The following NYAP2 variants were observed in gnomAD, a reference collection of about 807,000 sequenced individuals.
NYAP2 encodes neuronal tyrosine-phosphorylated phosphoinositide-3-kinase adaptor 2, also known as neuronal tyrosine-phosphorylated phosphoinositide-3-kinase adapter 2.
A neutral mutation model predicts 50.4 loss-of-function variants in NYAP2; 23 were observed. That is an observed-to-expected ratio of 0.46 (90% CI 0.33 to 0.65). NYAP2 has a LOEUF of 0.65. Among genes scored for constraint, NYAP2 ranks in the 30% least tolerant of loss-of-function variants. The pLI is 0.02. For synonymous variants in NYAP2, 394 were observed against 365.2 expected (o/e 1.08, Z -0.90); for missense variants, 885 against 861.0 (o/e 1.03, Z -0.35).
At chr2:225,678,560 C>T in the NYAP2 span, among the ~76,000 whole-genome samples, 3 of 152,186 alleles carry the variant, frequency 2.0e-5, no homozygotes, top group Admixed American at 2.0e-4. Context: ...AGATAAAGTT[C>T]TTTCAGTCCT....
chr2:225,679,975 A>G, the NYAP2 span, among the ~76,000 whole-genome samples: 1 of 152,210 alleles, frequency 6.6e-6, no homozygotes, highest in Non-Finnish European at 1.5e-5. Context: ...ATAGTCATAA[A>G]TATTTTGGTA....
intron 4 of NYAP2, among the ~76,000 whole-genome samples, chr2:225,563,395 G>A (rs1559215340): frequency 6.6e-6 from 1 of 152,118 alleles, no homozygotes; most frequent in Admixed American, 6.6e-5. Context: ...CCTGGTGTTG[G>A]GAAATCACTT....
At chr2:225,436,500 T>A (rs1403465184) in intron 3 of NYAP2, among the ~76,000 whole-genome samples, 2 of 152,130 alleles carry the variant, frequency 1.3e-5, no homozygotes, top group Non-Finnish European at 2.9e-5. Flanking sequence ...CCCTTTGTAA[T>A]AACGACACCA....
At chr2:225,695,844 C>T in the NYAP2 span, among the ~76,000 whole-genome samples, 2 of 151,816 alleles carry the variant, frequency 1.3e-5, no homozygotes, top group Non-Finnish European at 2.9e-5. Context: ...AGTGAATGCT[C>T]ATGTCTACAG....
intron 3 of NYAP2, among the ~76,000 whole-genome samples, chr2:225,421,588 G>C (rs189525225): frequency 2.0e-5 from 3 of 152,328 alleles, no homozygotes; most frequent in Admixed American, 6.5e-5. Flanking sequence ...TACCAGGTTG[G>C]AAATTACATA....
chr2:225,687,947 G>A, the NYAP2 span, among the ~76,000 whole-genome samples: 1 of 152,072 alleles, frequency 6.6e-6, no homozygotes, highest in East Asian at 1.9e-4. Context: ...AAATCACTAG[G>A]AAGCCTAATA....
At chr2:225,511,657 G>A (rs1690820229) in intron 3 of NYAP2, among the ~76,000 whole-genome samples, 1 of 152,120 alleles carries the variant, frequency 6.6e-6, no homozygotes, top group East Asian at 1.9e-4. Context: ...TCAGAATCAA[G>A]AATCTAATGT....
At chr2:225,514,448 C>T (rs1216299019) in intron 4 of NYAP2, among the ~76,000 whole-genome samples, 4 of 152,166 alleles carry the variant, frequency 2.6e-5, no homozygotes, top group African/African-American at 9.6e-5. Flanking sequence ...TAAGCAACAG[C>T]AATTTATTTC....
intron 4 of NYAP2, among the ~76,000 whole-genome samples, chr2:225,581,215 G>C (rs1692263261): frequency 6.6e-6 from 1 of 152,208 alleles, no homozygotes; most frequent in Admixed American, 6.5e-5. Context: ...AGGGCATTCT[G>C]ATGTGTCAGT....
chr2:225,413,639 A>C (rs1695081658), intron 3 of NYAP2, among the ~76,000 whole-genome samples: 1 of 152,192 alleles, frequency 6.6e-6, no homozygotes, highest in African/African-American at 2.4e-5. Context: ...TCCTAGTCAC[A>C]CTGGCATTTT....
Position 225,583,051 on chromosome 2 carries a change from C to T in NYAP2, c.1618+16C>T. On this transcript the variant is annotated intron_variant, in intron 5 of 6. Coordinates refer to ENST00000636099, the Ensembl canonical transcript of NYAP2. ...CCTGCAGAGAGTAAGTGTGCAGGGC[C>T]TGCCTGAGCCCCAGAGCCCAGTGCC... 6.2e-7 allele frequency: 1 copy of T among 1,602,298 alleles called. No homozygotes were observed. Among genetic ancestry groups the T allele is most frequent in the Non-Finnish European group, 8.5e-7 (1 of 1,174,178 alleles).
At chr2:225,573,901 C>T (rs1380932783) in intron 4 of NYAP2, among the ~76,000 whole-genome samples, 1 of 152,122 alleles carries the variant, frequency 6.6e-6, no homozygotes, top group Non-Finnish European at 1.5e-5. Flanking sequence ...AAGGTCAGCT[C>T]TTATTTCAGG....
At chr2:225,594,031 G>A (rs1361452730) in intron 5 of NYAP2, among the ~76,000 whole-genome samples, 12 of 152,090 alleles carry the variant, frequency 7.9e-5, no homozygotes, top group Admixed American at 4.6e-4. Context: ...TGCCCATCAA[G>A]CATTTAAATT....
chr2:225,464,837 G>A lies in NYAP2; in HGVS notation c.222-48534G>A, dbSNP rs1044123069. On this transcript the variant is annotated intron_variant, in intron 3 of 6. Transcript: ENST00000636099. ...GAAGAGACGATCATTGACTGAGCAG[G>A]TACCAGTAGTCAGGCAGTTTCAGTT... 3.9e-5 allele frequency among the ~76,000 whole-genome samples: 6 copies of A among 152,304 alleles called. No individual in the cohort carries two copies. In the East Asian group the frequency reaches 1.2e-3, roughly 29 times the overall value.
chr2:225,509,678 G>T (rs1574650382), intron 3 of NYAP2, among the ~76,000 whole-genome samples: 1 of 152,202 alleles, frequency 6.6e-6, no homozygotes, highest in East Asian at 1.9e-4. Flanking sequence ...TCTAGAAAGA[G>T]TGTGCCTCTT....
the NYAP2 span, among the ~76,000 whole-genome samples, chr2:225,696,317 G>A: frequency 6.6e-6 from 1 of 151,828 alleles, no homozygotes; most frequent in Admixed American, 6.6e-5. Flanking sequence ...ATAAAACAGA[G>A]CTCTTTGAAC....
intron 3 of NYAP2, among the ~76,000 whole-genome samples, chr2:225,449,857 T>A (rs1227674791): frequency 6.6e-6 from 1 of 152,016 alleles, no homozygotes; most frequent in Admixed American, 6.6e-5. Flanking sequence ...CCTCAAGTGA[T>A]CCACTCACCT....
At chr2:225,537,681 G>A (rs752086171) in intron 4 of NYAP2, among the ~76,000 whole-genome samples, 2 of 151,890 alleles carry the variant, frequency 1.3e-5, no homozygotes, top group South Asian at 2.1e-4. Context: ...ATTCCACCCC[G>A]ACCCCTCCCA....
intron 3 of NYAP2, among the ~76,000 whole-genome samples, chr2:225,433,581 A>G (rs1246734227): frequency 1.3e-5 from 2 of 152,094 alleles, no homozygotes; most frequent in Non-Finnish European, 1.5e-5. Context: ...TTTAGTTTGT[A>G]TGAGTAGAGT....
Sources: allele counts gnomAD v4.1 joint callset (sites outside exome capture counted in the v4.1 genomes callset), GRCh38; gene constraint gnomAD v4.1.1; transcripts MANE v1.5; gene names NCBI Gene and HGNC (gene_info 2026-07-23, HGNC 2026-07-21).